MAGI2: variants seen among roughly 807,000 people sequenced by gnomAD.
MAGI2 encodes membrane associated guanylate kinase, WW and PDZ domain containing 2, also known as membrane-associated guanylate kinase, WW and PDZ domain-containing protein 2.
A neutral mutation model predicts 133.3 loss-of-function variants in MAGI2; 35 were observed. The observed-to-expected ratio is 0.26, with a 90% CI of 0.20 to 0.35. The LOEUF is 0.35. Among genes scored for constraint, MAGI2 ranks in the 10% least tolerant of loss-of-function variants. MAGI2 has a pLI of 1.00. For synonymous variants in MAGI2, 729 were observed against 710.6 expected (o/e 1.03, Z -0.41); for missense variants, 1,636 against 1,863.4 (o/e 0.88, Z 2.25).
chr7:79,084,305 C>A (rs1816298223), intron 1 of MAGI2, among the ~76,000 whole-genome samples: 2 of 151,684 alleles, frequency 1.3e-5, no homozygotes, highest in African/African-American at 4.8e-5. Flanking sequence ...TCTCTCTATT[C>A]ACCACTTTAG....
rs1827241844 is a variant in MAGI2 at position 79,187,118 on chromosome 7, T to C, written c.302-179912A>G. Among the ~76,000 whole-genome samples, 4 of 151,696 alleles carry C rather than the reference T, an allele frequency of 2.6e-5. No individual in the cohort carries two copies. The South Asian group carries it at 8.3e-4, about 31-fold the overall frequency. On this transcript the variant is annotated intron_variant, in intron 1 of 21. Transcript: ENST00000354212. ...ATTAGTAGCATCCACAGAGAAAATA[T>C]TTTAACAGAGATGATTTGAAAATCT...
At chr7:78,835,289 G>T (rs1419486774) in intron 2 of MAGI2, among the ~76,000 whole-genome samples, 1 of 152,110 alleles carries the variant, frequency 6.6e-6, no homozygotes, top group Non-Finnish European at 1.5e-5. Flanking sequence ...GTGTTAAGTG[G>T]TGTCTTGTGG....
chr7:78,855,651 T>C (rs1476757149), intron 2 of MAGI2, among the ~76,000 whole-genome samples: 2 of 152,242 alleles, frequency 1.3e-5, no homozygotes. Context: ...ATCCTGTCTA[T>C]TACTGATGGA....
intron 1 of MAGI2, among the ~76,000 whole-genome samples, chr7:79,068,555 A>AT (rs200455472): frequency 0.036 from 5,540 of 152,018 alleles, 217 homozygotes; most frequent in African/African-American, 0.098. Context: ...GGATTAATTG[A>AT]TTTTTTGAAG....
At chr7:78,961,468 C>T (rs934054251) in intron 2 of MAGI2, among the ~76,000 whole-genome samples, 1 of 152,210 alleles carries the variant, frequency 6.6e-6, no homozygotes, top group Admixed American at 6.5e-5. Flanking sequence ...AAACTAATCG[C>T]TGTAATCACA....
intron 1 of MAGI2, among the ~76,000 whole-genome samples, chr7:79,256,470 G>GTCTC (rs1289539894): frequency 7.1e-6 from 1 of 141,100 alleles, no homozygotes; most frequent in Non-Finnish European, 1.5e-5. Flanking sequence ...AGTCTTTTCT[G>GTCTC]TCTCTCTCTC....
At chr7:79,255,299 A>G (rs761900952) in intron 1 of MAGI2, among the ~76,000 whole-genome samples, 64 of 152,266 alleles carry the variant, frequency 4.2e-4, no homozygotes, top group East Asian at 9.7e-4. Context: ...CCGATGCCCA[A>G]TTGAAAGGTA....
At chr7:78,527,566 G>A (rs1214088861) in intron 3 of MAGI2, among the ~76,000 whole-genome samples, 1 of 152,134 alleles carries the variant, frequency 6.6e-6, no homozygotes, top group Non-Finnish European at 1.5e-5. Context: ...ATTATTTTCT[G>A]AGATGCACCA....
chr7:78,618,812 A>C (rs1807387385), intron 3 of MAGI2: 1 of 151,840 alleles, frequency 6.6e-6, no homozygotes, highest in Non-Finnish European at 1.5e-5. Flanking sequence ...CTGGAATCAA[A>C]AAAAGTCAAA....
intron 2 of MAGI2, among the ~76,000 whole-genome samples, chr7:78,801,460 A>C (rs1305450894): frequency 6.6e-6 from 1 of 152,156 alleles, no homozygotes; most frequent in Non-Finnish European, 1.5e-5. Flanking sequence ...TCCATTGTCT[A>C]TCCCAAAACC....
chr7:78,636,892 T>G (rs1396165312), intron 2 of MAGI2, among the ~76,000 whole-genome samples: 1 of 152,146 alleles, frequency 6.6e-6, no homozygotes, highest in Non-Finnish European at 1.5e-5. Context: ...AAAGCACAGA[T>G]AGCTGGTTCT....
At chr7:78,676,549 C>A (rs980178984) in intron 2 of MAGI2, among the ~76,000 whole-genome samples, 1 of 152,048 alleles carries the variant, frequency 6.6e-6, no homozygotes, top group Non-Finnish European at 1.5e-5. Flanking sequence ...TGTATGGCCA[C>A]TGTTGTCAAT....
intron 2 of MAGI2, among the ~76,000 whole-genome samples, chr7:78,803,694 T>C (rs1473459028): frequency 6.6e-6 from 1 of 152,216 alleles, no homozygotes; most frequent in East Asian, 1.9e-4. Context: ...ATAATATTTA[T>C]GGCTTATATT....
At chr7:78,421,077 A>C (rs1363465352) in intron 6 of MAGI2, among the ~76,000 whole-genome samples, 10 of 152,176 alleles carry the variant, frequency 6.6e-5, no homozygotes, top group Non-Finnish European at 1.3e-4. Flanking sequence ...GAAATTGTGG[A>C]GCTGTTGGCC....
At chr7:78,578,800 G>A (rs1044805538) in intron 3 of MAGI2, among the ~76,000 whole-genome samples, 2 of 152,174 alleles carry the variant, frequency 1.3e-5, no homozygotes, top group Non-Finnish European at 2.9e-5. Context: ...TCTCAGTGGA[G>A]GCCAGGGCAT....
chr7:78,302,868 C>T (rs952269579), intron 9 of MAGI2, among the ~76,000 whole-genome samples: 1 of 152,184 alleles, frequency 6.6e-6, no homozygotes, highest in Admixed American at 6.5e-5. Flanking sequence ...TTCTTACTTT[C>T]CTCTTTGAAA....
chr7:78,840,702 A>G (rs1447182499), intron 2 of MAGI2, among the ~76,000 whole-genome samples: 1 of 152,050 alleles, frequency 6.6e-6, no homozygotes, highest in Non-Finnish European at 1.5e-5. Context: ...ACCAACATCA[A>G]AGAGCTGAGG....
chr7:79,099,344 T>G (rs1270020762), intron 1 of MAGI2, among the ~76,000 whole-genome samples: 1 of 152,144 alleles, frequency 6.6e-6, no homozygotes, highest in Non-Finnish European at 1.5e-5. Context: ...AAAGGGAAAT[T>G]ATTAGAGATC....
chr7:79,199,723 C>T lies in MAGI2; in HGVS notation c.302-192517G>A, dbSNP rs57812233. 1.3e-3 allele frequency among the ~76,000 whole-genome samples: 191 copies of T among 152,024 alleles called. 3 individuals carry two copies. The highest frequency in any genetic ancestry group is 4.5e-3 in the African/African-American group (188 of 41,388). ...TCTGAATATCATAATGTCTAGAAAG[C>T]TTTCTAAAAGCCTCTAGGTGAATAG... is the stretch of plus-strand genomic sequence containing the variant. On this transcript the variant is annotated intron_variant, in intron 1 of 21. Coordinates refer to ENST00000354212, the MANE Select transcript of MAGI2 (RefSeq NM_012301.4).
Sources: gnomAD v4.1 joint callset for allele counts (sites outside exome capture counted in the v4.1 genomes callset) on GRCh38, gnomAD v4.1.1 for gene constraint, MANE v1.5 for transcripts, NCBI Gene and HGNC (gene_info 2026-07-23, HGNC 2026-07-21) for gene names.